The following ANKFY1 variants were observed in gnomAD, a reference collection of about 807,000 sequenced individuals.
The protein encoded by ANKFY1 is ankyrin repeat and FYVE domain containing 1, also known as ankyrin repeat and FYVE domain-containing protein 1.
ANKFY1 carries 47 observed loss-of-function variants against 128.3 expected under a neutral mutation model. The ratio of observed to expected loss-of-function variants is 0.37; its 90% CI spans 0.29 to 0.47. The LOEUF is 0.47. Ranked by LOEUF, ANKFY1 falls within the 20% of genes least tolerant of loss-of-function variation. The pLI, the probability that ANKFY1 is intolerant of heterozygous loss-of-function variation, is 1.00. For missense variants in ANKFY1, 1,222 were observed against 1,510.6 expected (o/e 0.81, Z 3.17); for synonymous variants, 553 against 601.6 (o/e 0.92, Z 1.18).
intron 5 of ANKFY1, among the ~76,000 whole-genome samples, chr17:4,208,569 A>G (rs1373290138): frequency 1.3e-5 from 2 of 152,232 alleles, no homozygotes; most frequent in Admixed American, 6.5e-5. Flanking sequence ...GCAGATCTCT[A>G]TATTTCTGCC....
rs1967124080 is a variant in ANKFY1 at position 4,240,066 on chromosome 17, T to C, written c.203+2190A>G. Reference sequence around the variant, plus strand: ...TCACCTAGATGACATTAGCATGCCTTTTTTTTTTTTTTTTTTGAGACAGGG... The same window carrying C: ...TCACCTAGATGACATTAGCATGCCTCTTTTTTTTTTTTTTTTGAGACAGGG... On this transcript the variant is annotated intron_variant, in intron 2 of 24. Coordinates refer to ENST00000341657, the MANE Select transcript of ANKFY1 (RefSeq NM_001330063.2). 1.4e-4 allele frequency among the ~76,000 whole-genome samples: 4 copies of C among 28,292 alleles called. No homozygotes were observed. In the South Asian group the frequency reaches 6.0e-3, roughly 43 times the overall value. 18.6% of individuals were successfully genotyped at this position (28,292 alleles called of 152,430 possible).
At position 4,263,831 on chromosome 17, in the gene ANKFY1, T is replaced by G. The variant is rs535219703; in HGVS notation, c.10+101A>C. 26 of 1,610,588 alleles carry G rather than the reference T, an allele frequency of 1.6e-5. No individual in the cohort carries two copies. The African/African-American group carries it at 1.9e-4, about 12-fold the overall frequency. ...GCTCGCGAGACCCGCGGAGCCCCCA[T>G]GCAACCACGCCCGGCCTTCCCCTCC... On this transcript the variant is annotated intron_variant, in intron 1 of 24. Transcript: ENST00000341657.
At chr17:4,224,434 G>C (rs1429084509) in intron 3 of ANKFY1, among the ~76,000 whole-genome samples, 2 of 151,780 alleles carry the variant, frequency 1.3e-5, no homozygotes, top group Non-Finnish European at 2.9e-5. Context: ...GCGTTAGCCA[G>C]GATGGTGAAG....
intron 11 of ANKFY1, chr17:4,186,837 A>C: frequency 1.0e-6 from 1 of 1,000,910 alleles, no homozygotes; most frequent in Non-Finnish European, 1.2e-6. Context: ...TCTCAAACCC[A>C]GGTCTCCAGC....
At chr17:4,222,284 G>A (rs2060336290) in intron 3 of ANKFY1, 1 of 661,022 alleles carries the variant, frequency 1.5e-6, no homozygotes, top group Non-Finnish European at 2.8e-6. Flanking sequence ...CTCTACCTGA[G>A]TGAGGATGAG....
Position 4,167,669 on chromosome 17 carries a change from G to A in ANKFY1, c.*110C>T, listed in dbSNP as rs2059233645. 9.1e-7 allele frequency: 1 copy of A among 1,099,868 alleles called. No individual in the cohort carries two copies. The highest frequency in any genetic ancestry group is 2.6e-5 in the East Asian group (1 of 39,104). The allele number at this position is 1,099,868 out of a possible 1,614,324, so 68.1% of individuals were successfully genotyped here. On this transcript the variant is annotated 3_prime_UTR_variant, in exon 25 of 25. Coordinates refer to ENST00000341657, the MANE Select transcript of ANKFY1 (RefSeq NM_001330063.2). This position sits in a 1 kb window ranked among gnomAD's most constrained non-coding sequence, Gnocchi z 4.1. ...TGGTCCTTAATCGTTCCAGTCTATT[G>A]CCGCAGGAAGACACCCGCCAGCTCC... is the stretch of plus-strand genomic sequence containing the variant.
chr17:4,228,773 C>G (rs2060467497), intron 3 of ANKFY1, among the ~76,000 whole-genome samples: 1 of 152,128 alleles, frequency 6.6e-6, no homozygotes, highest in Admixed American at 6.5e-5. Context: ...ATTCGTATGT[C>G]AAAACTTATC....
chr17:4,211,049 AT>A (rs1329851585), intron 4 of ANKFY1, among the ~76,000 whole-genome samples: 3 of 151,868 alleles, frequency 2.0e-5, no homozygotes, highest in African/African-American at 4.8e-5. Flanking sequence ...AACAAAAAAA[AT>A]AAAAAGAAAA....
Position 4,181,239 on chromosome 17 carries a change from T to TG in ANKFY1, c.2240+14dup, listed in dbSNP as rs759937756. On this transcript the variant is annotated intron_variant, in intron 16 of 24. Transcript: ENST00000341657. The surrounding 1 kb of genome is among the most constrained non-coding windows in gnomAD (Gnocchi z 4.9). ...TCACTAAAAAGCTGTGGAGAGATACTGGGGACTCTCAGACCTGCGAATAAG... is the reference window on the plus strand; with the variant it reads ...TCACTAAAAAGCTGTGGAGAGATACTGGGGGACTCTCAGACCTGCGAATAAG... 1 of 1,602,166 alleles carries TG rather than the reference T, an allele frequency of 6.2e-7. No individual in the cohort carries two copies. The highest frequency in any genetic ancestry group is 1.1e-5 in the South Asian group (1 of 90,806).
rs771118452 is a variant in ANKFY1, at chr17:4,179,034, G to A, written c.2421C>T (p.Ile807=). 6.2e-7 allele frequency: 1 copy of A among 1,614,190 alleles called. No individual in the cohort carries two copies. Among genetic ancestry groups the A allele is most frequent in the South Asian group, 1.1e-5 (1 of 91,086 alleles). The change falls in exon 18 of 25, where the codon ATC becomes ATT. Residue 807 remains isoleucine (I), a synonymous_variant. Coordinates refer to ENST00000341657, the MANE Select transcript of ANKFY1 (RefSeq NM_001330063.2). Reference sequence around the variant, plus strand: ...CGTGTTGGCTGCTGATGGCCACGTGGATGGGGGTTCTTCCTTCTGCATCCT... The same window carrying A: ...CGTGTTGGCTGCTGATGGCCACGTGAATGGGGGTTCTTCCTTCTGCATCCT... ...NAQDAEGRTP[I]HVAISSQHGV...
In ANKFY1 at chr17:4,206,409, A is replaced by G; in HGVS notation, c.810T>C (p.Ser270=). The change falls in exon 7 of 25, where the codon AGT becomes AGC. Residue 270 remains serine, a synonymous_variant. Coordinates refer to ENST00000341657, the MANE Select transcript of ANKFY1 (RefSeq NM_001330063.2). ...TGTGACTAACCAGCGTGGTGGCAAT[A>G]CTCTCCAGTCGTCGTGAGAGGGCTA... The part of the protein sequence containing the change: ...LDLALSRRLE[S]IATTLVSHKA... 6.2e-7 allele frequency: 1 copy of G among 1,613,924 alleles called. No individual in the cohort carries two copies. Among genetic ancestry groups the G allele is most frequent in the Non-Finnish European group, 8.5e-7 (1 of 1,179,950 alleles).
intron 3 of ANKFY1, among the ~76,000 whole-genome samples, chr17:4,219,489 G>A (rs184589855): frequency 1.2e-3 from 184 of 152,210 alleles, no homozygotes; most frequent in African/African-American, 3.1e-3. Flanking sequence ...TTCAGAAACC[G>A]TACTTGATTC....
At position 4,184,734 on chromosome 17, in the gene ANKFY1, C is replaced by A. The variant is rs1598030272; in HGVS notation, c.1699+84G>T. ...AAACTAGCCATATGAAACTCACCAA[C>A]AGAAAAAACATCAACTCTGTAACTA... On this transcript the variant is annotated intron_variant, in intron 12 of 24. Transcript: ENST00000341657. 16 of 1,463,088 alleles carry A rather than the reference C, an allele frequency of 1.1e-5. No homozygotes were observed. The South Asian group carries it at 1.4e-4, about 13-fold the overall frequency. The allele number at this position is 1,463,088 out of a possible 1,614,324, so 90.6% of individuals were successfully genotyped here. A position where few individuals can be genotyped will look rare whatever the true frequency, so the allele number is the denominator to read the frequency against.
chr17:4,216,959 T>G (rs755809957), intron 4 of ANKFY1, 24 bp downstream of exon 4: 1 of 1,613,720 alleles, frequency 6.2e-7, no homozygotes, highest in African/African-American at 1.3e-5. Flanking sequence ...TCTGAGGTGC[T>G]TGAATATATC....
intron 2 of ANKFY1, among the ~76,000 whole-genome samples, chr17:4,237,130 T>C (rs1047625416): frequency 3.3e-5 from 5 of 152,010 alleles, no homozygotes; most frequent in African/African-American, 1.2e-4. Context: ...AGCAACACTC[T>C]GTCTCAAAAA....
At chr17:4,204,966 C>G (rs537837685) in intron 7 of ANKFY1, among the ~76,000 whole-genome samples, 2 of 152,180 alleles carry the variant, frequency 1.3e-5, no homozygotes, top group Non-Finnish European at 2.9e-5. Context: ...CACTCCAGCA[C>G]ATGGCTTATA....
At position 4,195,278 on chromosome 17, in the gene ANKFY1, A is replaced by AT. The variant is rs5818941; in HGVS notation, c.1173-102dup. 830,412 of 1,011,352 alleles carry AT rather than the reference A, an allele frequency of 0.82. 336,279 individuals are homozygous for AT. The highest frequency in any genetic ancestry group is 0.91 in the East Asian group (31,341 of 34,572). 62.6% of individuals were successfully genotyped at this position (1,011,352 alleles called of 1,614,324 possible). A position where few individuals can be genotyped will look rare whatever the true frequency, so the allele number is the denominator to read the frequency against. On this transcript the variant is annotated intron_variant, in intron 9 of 24. Transcript: ENST00000341657. Reference sequence around the variant, plus strand: ...TCTCTTTACCCTTTTTCAATGACACATTTTTTTTTAGCTCACTTTAACTTC... The same window carrying AT: ...TCTCTTTACCCTTTTTCAATGACACATTTTTTTTTTAGCTCACTTTAACTTC...
chr17:4,235,466 G>A (rs1342052355), intron 3 of ANKFY1, among the ~76,000 whole-genome samples: 1 of 151,856 alleles, frequency 6.6e-6, no homozygotes, highest in African/African-American at 2.4e-5. Flanking sequence ...CTTATTTACA[G>A]CATATTTTTT....
chr17:4,220,188 T>C (rs2060286186), intron 3 of ANKFY1, among the ~76,000 whole-genome samples: 1 of 152,306 alleles, frequency 6.6e-6, no homozygotes, highest in Admixed American at 6.5e-5. Context: ...GAAAACTAAT[T>C]AGATTTATTT....
Sources: allele counts gnomAD v4.1 joint callset (sites outside exome capture counted in the v4.1 genomes callset), GRCh38; gene constraint gnomAD v4.1.1; non-coding constraint Gnocchi (gnomAD v3.1); transcripts MANE v1.5; gene names NCBI Gene and HGNC (gene_info 2026-07-23, HGNC 2026-07-21).